Variants in CDH13 observed in about 807,000 individuals in gnomAD.
The protein encoded by CDH13 is cadherin-13.
In CDH13, 24 loss-of-function variants were observed where a neutral mutation model predicts 63.8. That is an observed-to-expected ratio of 0.38 (90% CI 0.27 to 0.53). CDH13 has a LOEUF of 0.53. Ranked by LOEUF, CDH13 falls within the 20% of genes least tolerant of loss-of-function variation. The pLI, the probability that CDH13 is intolerant of heterozygous loss-of-function variation, is 0.85. For missense variants in CDH13, 1,049 were observed against 903.1 expected, an observed-to-expected ratio of 1.16 and a Z score of -2.07; for synonymous variants, 503 against 355.3, an observed-to-expected ratio of 1.42 and a Z score of -4.67.
At chr16:83,760,219 C>T (rs957828920) in intron 11 of CDH13, among the ~76,000 whole-genome samples, 1 of 152,256 alleles carries the variant, frequency 6.6e-6, no homozygotes, top group South Asian at 2.1e-4. Flanking sequence ...CCAGTGCTGG[C>T]AATGGTGTGA....
At chr16:82,638,968 C>T (rs377065774) in intron 1 of CDH13, among the ~76,000 whole-genome samples, 3 of 152,302 alleles carry the variant, frequency 2.0e-5, no homozygotes, top group Admixed American at 1.3e-4. Context: ...AGAGGCGACT[C>T]TTATTCCCAA....
chr16:82,940,450 T>C (rs1904275883), intron 2 of CDH13, among the ~76,000 whole-genome samples: 1 of 152,204 alleles, frequency 6.6e-6, no homozygotes, highest in Non-Finnish European at 1.5e-5. Flanking sequence ...TGGTTGTTGC[T>C]GTTGTCCTTA....
chr16:83,271,502 A>T (rs1172806061), intron 5 of CDH13, among the ~76,000 whole-genome samples: 2 of 18,454 alleles, frequency 1.1e-4, no homozygotes, highest in African/African-American at 1.6e-4. Flanking sequence ...CTTTTATTTA[A>T]AAAAAAACAA....
intron 3 of CDH13, among the ~76,000 whole-genome samples, chr16:83,052,592 C>A (rs1367679235): frequency 6.6e-6 from 1 of 151,984 alleles, no homozygotes; most frequent in Admixed American, 6.6e-5. Context: ...CCAGCCAGGC[C>A]AACATGGCGA....
intron 7 of CDH13, among the ~76,000 whole-genome samples, chr16:83,589,441 C>G (rs1202103833): frequency 6.6e-6 from 1 of 151,416 alleles, no homozygotes; most frequent in African/African-American, 2.4e-5. Flanking sequence ...TTCTGCCTCC[C>G]TCTCATGAGG....
intron 8 of CDH13, among the ~76,000 whole-genome samples, chr16:83,627,931 T>A (rs766220072): frequency 5.9e-5 from 9 of 152,328 alleles, no homozygotes; most frequent in Non-Finnish European, 1.2e-4. Context: ...AGGAAATGGA[T>A]GGGCAATTCC....
chr16:82,968,178 C>T (rs977353739), intron 2 of CDH13, among the ~76,000 whole-genome samples: 6 of 152,086 alleles, frequency 3.9e-5, no homozygotes, highest in South Asian at 2.1e-4. Flanking sequence ...TCTGTTGCTA[C>T]CCTTATTTAT....
At chr16:83,248,684 C>G (rs1427821443) in intron 5 of CDH13, among the ~76,000 whole-genome samples, 2 of 152,108 alleles carry the variant, frequency 1.3e-5, no homozygotes, top group Non-Finnish European at 1.5e-5. Flanking sequence ...ATGAACTTCT[C>G]TCCTTCTAAT....
At chr16:83,052,008 G>A (rs2030391664) in intron 3 of CDH13, among the ~76,000 whole-genome samples, 1 of 152,056 alleles carries the variant, frequency 6.6e-6, no homozygotes, top group Admixed American at 6.5e-5. Flanking sequence ...GAATAATTCA[G>A]ATATTGTAAG....
intron 6 of CDH13, among the ~76,000 whole-genome samples, chr16:83,473,422 C>G (rs1447310010): frequency 6.6e-6 from 1 of 152,208 alleles, no homozygotes; most frequent in Non-Finnish European, 1.5e-5. Flanking sequence ...ATTTCACTAT[C>G]CTGGCTCATT....
chr16:83,167,766 A>G (rs1264041483), intron 4 of CDH13, among the ~76,000 whole-genome samples: 1 of 151,698 alleles, frequency 6.6e-6, no homozygotes, highest in Non-Finnish European at 1.5e-5. Context: ...GTTCAACTGG[A>G]TAGACATAAT....
At chr16:83,548,193 A>T (rs1179871710) in intron 7 of CDH13, among the ~76,000 whole-genome samples, 1 of 152,094 alleles carries the variant, frequency 6.6e-6, no homozygotes. Context: ...AGGTAGACAG[A>T]TTGAGGTGAT....
intron 5 of CDH13, among the ~76,000 whole-genome samples, chr16:83,334,574 C>G (rs1294530291): frequency 1.3e-5 from 2 of 151,716 alleles, no homozygotes; most frequent in Non-Finnish European, 2.9e-5. Context: ...GGCAGTCTCT[C>G]TACATTGCTC....
chr16:82,932,768 G>T (rs1002588327), intron 2 of CDH13, among the ~76,000 whole-genome samples: 2 of 152,160 alleles, frequency 1.3e-5, no homozygotes, highest in Non-Finnish European at 1.5e-5. Flanking sequence ...AAATTCAGAA[G>T]TGAAAAATAA....
intron 10 of CDH13, among the ~76,000 whole-genome samples, chr16:83,699,644 T>C (rs1905913317): frequency 6.6e-6 from 1 of 151,910 alleles, no homozygotes. Context: ...CACGTGTATG[T>C]GCACACGCAC....
intron 2 of CDH13, among the ~76,000 whole-genome samples, chr16:82,900,431 G>GAT (rs1555538060): frequency 1.3e-5 from 2 of 151,980 alleles, no homozygotes; most frequent in Middle Eastern, 3.2e-3. Flanking sequence ...AGAAGTACAG[G>GAT]GATGATACAG....
At chr16:82,754,802 T>C (rs886802429) in intron 1 of CDH13, among the ~76,000 whole-genome samples, 2 of 152,220 alleles carry the variant, frequency 1.3e-5, no homozygotes, top group African/African-American at 4.8e-5. Context: ...TGCGTCCTTT[T>C]ATGAATAATA....
chr16:82,644,339 C>T lies in CDH13; in HGVS notation c.45+17202C>T, dbSNP rs976696052. Among the ~76,000 whole-genome samples the T allele has an allele frequency of 6.6e-6, 1 of 152,158 alleles. No homozygotes were observed. The highest frequency in any genetic ancestry group is 1.5e-5 in the Non-Finnish European group (1 of 68,016). On this transcript the variant is annotated intron_variant, in intron 1 of 13. Coordinates refer to ENST00000567109, the MANE Select transcript of CDH13 (RefSeq NM_001257.5). The surrounding 1 kb of genome is among the most constrained non-coding windows in gnomAD (Gnocchi z 5.7). Reference sequence around the variant, plus strand: ...CCCGAACTCCTCCCACCCCTGCCTTCTGCGTCTCCCTCTGTGCTCTCCATC... The same window carrying T: ...CCCGAACTCCTCCCACCCCTGCCTTTTGCGTCTCCCTCTGTGCTCTCCATC...
At chr16:83,523,882 G>A (rs2074896951) in intron 7 of CDH13, among the ~76,000 whole-genome samples, 2 of 152,168 alleles carry the variant, frequency 1.3e-5, no homozygotes, top group Non-Finnish European at 1.5e-5. Flanking sequence ...GAAAGATGAA[G>A]CATCCAGAAC....
Sources: gnomAD v4.1 joint callset for allele counts (sites outside exome capture counted in the v4.1 genomes callset) on GRCh38, gnomAD v4.1.1 for gene constraint, Gnocchi (gnomAD v3.1) non-coding constraint, MANE v1.5 for transcripts, NCBI Gene and HGNC (gene_info 2026-07-23, HGNC 2026-07-21) for gene names.